TMCC1: variants seen among roughly 807,000 people sequenced by gnomAD.
TMCC1 encodes transmembrane and coiled-coil domain family 1, also known as transmembrane and coiled-coil domains protein 1.
Under a neutral mutation model 52.4 loss-of-function variants are expected in TMCC1, and 15 were observed. The observed-to-expected ratio is 0.29, with a 90% CI of 0.19 to 0.44. TMCC1 has a LOEUF of 0.44. Among genes scored for constraint, TMCC1 ranks in the 20% least tolerant of loss-of-function variants. TMCC1 has a pLI of 1.00. For missense variants in TMCC1, 503 were observed against 806.0 expected (o/e 0.62, Z 4.55); for synonymous variants, 279 against 301.9 (o/e 0.92, Z 0.79).
chr3:129,870,752 T>C (rs1445949164), intron 2 of TMCC1, among the ~76,000 whole-genome samples: 2 of 4,796 alleles, frequency 4.2e-4, no homozygotes, highest in African/African-American at 6.7e-4. Context: ...AGAGCAAGAC[T>C]CCATCTCAAA....
chr3:129,886,727 G>C (rs1046997013), intron 1 of TMCC1, among the ~76,000 whole-genome samples: 1 of 151,338 alleles, frequency 6.6e-6, no homozygotes, highest in Non-Finnish European at 1.5e-5. Context: ...ATCACTTGAG[G>C]TCAGGAGTTC....
intron 2 of TMCC1, among the ~76,000 whole-genome samples, chr3:129,839,257 T>C (rs1019742932): frequency 6.6e-6 from 1 of 152,096 alleles, no homozygotes; most frequent in African/African-American, 2.4e-5. Flanking sequence ...TTAACAACAA[T>C]GGCAAAAGGG....
At chr3:129,672,037 T>C (rs2087989492) in intron 4 of TMCC1, among the ~76,000 whole-genome samples, 1 of 152,224 alleles carries the variant, frequency 6.6e-6, no homozygotes, top group Admixed American at 6.5e-5. Flanking sequence ...TTTTGTGACC[T>C]TTATCCAGTA....
At chr3:129,657,300 A>G (rs1223090614) in intron 5 of TMCC1, among the ~76,000 whole-genome samples, 1 of 152,220 alleles carries the variant, frequency 6.6e-6, no homozygotes, top group Non-Finnish European at 1.5e-5. Flanking sequence ...AACATGGCTC[A>G]TACATACCAG....
intron 4 of TMCC1, among the ~76,000 whole-genome samples, chr3:129,749,345 T>C (rs2052288827): frequency 6.6e-6 from 1 of 152,032 alleles, no homozygotes; most frequent in African/African-American, 2.4e-5. Context: ...GTGATATTAA[T>C]GAGAATAAAT....
At chr3:129,706,712 T>G (rs2048272521) in intron 4 of TMCC1, among the ~76,000 whole-genome samples, 1 of 152,180 alleles carries the variant, frequency 6.6e-6, no homozygotes, top group African/African-American at 2.4e-5. Context: ...ACCTATTTAA[T>G]GGTCAACAAT....
chr3:129,783,547 G>C (rs1006549822), intron 4 of TMCC1, among the ~76,000 whole-genome samples: 8 of 150,368 alleles, frequency 5.3e-5, no homozygotes, highest in Admixed American at 6.6e-5. Context: ...TTTCCAACAA[G>C]CACCAAAATA....
chr3:129,804,770 G>A (rs904076144), intron 4 of TMCC1, among the ~76,000 whole-genome samples: 1 of 152,056 alleles, frequency 6.6e-6, no homozygotes, highest in Non-Finnish European at 1.5e-5. Flanking sequence ...CACACCACAG[G>A]AACCCTAATG....
intron 4 of TMCC1, among the ~76,000 whole-genome samples, chr3:129,672,770 A>G (rs1209703464): frequency 6.6e-6 from 1 of 152,218 alleles, no homozygotes; most frequent in Non-Finnish European, 1.5e-5. Flanking sequence ...GCTAGAAAGA[A>G]CTATATACAA....
intron 4 of TMCC1, among the ~76,000 whole-genome samples, chr3:129,693,503 A>ATTTTTTT (rs11433105): frequency 1.6e-5 from 2 of 122,012 alleles, no homozygotes; most frequent in Non-Finnish European, 3.3e-5. Context: ...CCAAGATTGA[A>ATTTTTTT]TTTTTTTTTT....
intron 2 of TMCC1, among the ~76,000 whole-genome samples, chr3:129,852,173 G>A (rs574664078): frequency 6.6e-6 from 1 of 151,994 alleles, no homozygotes; most frequent in African/African-American, 2.4e-5. Context: ...AAACAAAGTG[G>A]TGACCAGGTG....
At chr3:129,785,585 AAACAC>A (rs2055950021) in intron 4 of TMCC1, among the ~76,000 whole-genome samples, 1 of 148,666 alleles carries the variant, frequency 6.7e-6, no homozygotes, top group African/African-American at 2.6e-5. Flanking sequence ...ACACACACAC[AAACAC>A]ACACACACAC....
intron 1 of TMCC1, chr3:129,893,252 G>C (rs1276764094): frequency 2.0e-5 from 3 of 152,446 alleles, no homozygotes; most frequent in East Asian, 3.9e-4. Context: ...AAATGACAGC[G>C]GAATGAGCCG....
intron 4 of TMCC1, among the ~76,000 whole-genome samples, chr3:129,743,126 T>A (rs1265240305): frequency 6.6e-6 from 1 of 152,194 alleles, no homozygotes; most frequent in African/African-American, 2.4e-5. Context: ...TTGCACTCTG[T>A]GAATCTACTA....
intron 4 of TMCC1, among the ~76,000 whole-genome samples, chr3:129,730,150 G>A (rs1174946795): frequency 1.3e-5 from 2 of 152,040 alleles, no homozygotes; most frequent in Non-Finnish European, 2.9e-5. Context: ...TTTTAAGTCA[G>A]GAACCATCTG....
intron 4 of TMCC1, among the ~76,000 whole-genome samples, chr3:129,742,641 G>A (rs149652788): frequency 4.5e-4 from 68 of 152,176 alleles, no homozygotes; most frequent in East Asian, 7.7e-4. Flanking sequence ...AAATAGTCTG[G>A]CAATTCCCTA....
chr3:129,734,828 G>A (rs545301484), intron 4 of TMCC1, among the ~76,000 whole-genome samples: 1 of 152,084 alleles, frequency 6.6e-6, no homozygotes, highest in Non-Finnish European at 1.5e-5. Context: ...AATTGTGCTT[G>A]AGTGTTTGTT....
chr3:129,656,408 T>C (rs2086671490), intron 5 of TMCC1, among the ~76,000 whole-genome samples: 1 of 152,220 alleles, frequency 6.6e-6, no homozygotes, highest in Non-Finnish European at 1.5e-5. Flanking sequence ...GACTTCATAC[T>C]AAAAGAATAA....
chr3:129,872,017 A>T (rs998468390), intron 2 of TMCC1, among the ~76,000 whole-genome samples: 5 of 152,252 alleles, frequency 3.3e-5, no homozygotes, highest in Admixed American at 3.3e-4. Context: ...TTGTAAAATA[A>T]TTCCAACTAA....
Sources: gnomAD v4.1 joint callset for allele counts (sites outside exome capture counted in the v4.1 genomes callset) on GRCh38, gnomAD v4.1.1 for gene constraint, MANE v1.5 for transcripts, NCBI Gene and HGNC (gene_info 2026-07-23, HGNC 2026-07-21) for gene names.